AGTPBP1: variants seen among roughly 807,000 people sequenced by gnomAD.
AGTPBP1 encodes the protein cytosolic carboxypeptidase 1.
In AGTPBP1, 70 loss-of-function variants were observed where a neutral mutation model predicts 143.9. The ratio of observed to expected loss-of-function variants is 0.49; its 90% CI spans 0.40 to 0.59. The LOEUF (loss-of-function observed/expected upper bound fraction) is 0.59. AGTPBP1 is among the 20% of genes least tolerant of loss of function. The probability of loss-of-function intolerance (pLI) is 0.00; values close to 1 mark genes in which losing one functional copy is unlikely to be tolerated. For synonymous variants in AGTPBP1, 463 were observed against 500.2 expected (o/e 0.93, Z 0.99); for missense variants, 1,229 against 1,464.5 (o/e 0.84, Z 2.62).
chr9:85,695,097 C>T (rs554062109), intron 2 of AGTPBP1, among the ~76,000 whole-genome samples: 7 of 152,130 alleles, frequency 4.6e-5, no homozygotes, highest in Non-Finnish European at 8.8e-5. Context: ...CATTTCCACA[C>T]AGTAATTTTT....
chr9:85,720,084 T>G (rs920785268), intron 1 of AGTPBP1, among the ~76,000 whole-genome samples: 3 of 152,212 alleles, frequency 2.0e-5, no homozygotes, highest in African/African-American at 7.2e-5. Context: ...TGAGGATTTT[T>G]GCATCGATGT....
chr9:85,684,314 T>C (rs1379365703), intron 3 of AGTPBP1, among the ~76,000 whole-genome samples: 2 of 152,170 alleles, frequency 1.3e-5, no homozygotes, highest in African/African-American at 2.4e-5. Flanking sequence ...CTTGACAATC[T>C]TGCATTCCTT....
At chr9:85,756,033 A>C in the AGTPBP1 span, 1 of 1,376,308 alleles carries the variant, frequency 7.3e-7, no homozygotes, top group South Asian at 1.5e-5. Flanking sequence ...TTTTTATGGC[A>C]GAAGGAAAAA....
At chr9:85,688,718 T>G (rs577909856) in intron 3 of AGTPBP1, among the ~76,000 whole-genome samples, 1 of 152,306 alleles carries the variant, frequency 6.6e-6, no homozygotes, top group East Asian at 1.9e-4. Context: ...TGTACATAAG[T>G]AGTTAACGAG....
At chr9:85,734,681 A>G (rs905041725) in intron 1 of AGTPBP1, among the ~76,000 whole-genome samples, 1 of 152,234 alleles carries the variant, frequency 6.6e-6, no homozygotes, top group African/African-American at 2.4e-5. Context: ...TGCAGCCACT[A>G]TGAAAAACAG....
intron 1 of AGTPBP1, among the ~76,000 whole-genome samples, chr9:85,728,030 T>TACAC (rs57676033): frequency 0.014 from 1,841 of 128,380 alleles, 17 homozygotes; most frequent in Middle Eastern, 0.046. Context: ...TATATTTATA[T>TACAC]ACACACACAC....
At chr9:85,773,936 A>G in the AGTPBP1 span, 1 of 1,601,184 alleles carries the variant, frequency 6.2e-7, no homozygotes, top group East Asian at 2.2e-5. Context: ...GTGAATTAGA[A>G]TCTGCACTGG....
At chr9:85,649,157 A>G (rs757063346) in intron 11 of AGTPBP1, among the ~76,000 whole-genome samples, 1 of 152,214 alleles carries the variant, frequency 6.6e-6, no homozygotes, top group Non-Finnish European at 1.5e-5. Context: ...TCCTTGGCTT[A>G]TAGTAAAAAC....
chr9:85,588,259 A>G (rs751845554), intron 21 of AGTPBP1, 39 bp downstream of exon 21: 78 of 1,508,518 alleles, frequency 5.2e-5, no homozygotes, highest in Non-Finnish European at 2.6e-5. Context: ...GACAACCACA[A>G]TGGTCTTGAA....
intron 11 of AGTPBP1, among the ~76,000 whole-genome samples, chr9:85,653,258 G>A (rs569274050): frequency 1.3e-5 from 2 of 151,670 alleles, no homozygotes; most frequent in Admixed American, 6.6e-5. Flanking sequence ...AAGGAATAAT[G>A]GAAAACAGAA....
At chr9:85,788,884 G>A in the AGTPBP1 span, among the ~76,000 whole-genome samples, 4 of 151,366 alleles carry the variant, frequency 2.6e-5, no homozygotes, top group Non-Finnish European at 5.9e-5. Flanking sequence ...ATTTATTAAT[G>A]AAGATCCTAA....
In AGTPBP1 at chr9:85,621,305, A is replaced by G; in HGVS notation, c.2016-20T>C. The stretch of plus-strand genomic sequence containing the variant: ...TTTGTCCTGAAATCATAAAGGTTTA[A>G]CCAAAATATATTATTATACACTAAT... On this transcript the variant is annotated intron_variant, in intron 14 of 25. Transcript: ENST00000357081. 7.9e-7 allele frequency: 1 copy of G among 1,258,452 alleles called. No homozygotes were observed. The highest frequency in any genetic ancestry group is 1.1e-6 in the Non-Finnish European group (1 of 940,184). 78.0% of individuals were successfully genotyped at this position (1,258,452 alleles called of 1,614,324 possible). A position where few individuals can be genotyped will look rare whatever the true frequency, so the allele number is the denominator to read the frequency against.
intron 17 of AGTPBP1, among the ~76,000 whole-genome samples, chr9:85,614,144 TTAAAA>T (rs748453801): frequency 6.6e-6 from 1 of 152,082 alleles, no homozygotes; most frequent in East Asian, 1.9e-4. Flanking sequence ...CCCATTGAAG[TTAAAA>T]TAAAATACAA....
intron 1 of AGTPBP1, chr9:85,741,534 TG>T (rs1168518533): frequency 7.9e-5 from 78 of 985,256 alleles, no homozygotes; most frequent in Non-Finnish European, 9.2e-5. Flanking sequence ...GTCCGGGGAC[TG>T]GGGAAGGCGT....
At chr9:85,741,687 C>A in intron 1 of AGTPBP1, 88 bp downstream of exon 1, 1 of 1,260,458 alleles carries the variant, frequency 7.9e-7, no homozygotes, top group Non-Finnish European at 1.0e-6. Flanking sequence ...CCCTCCTACC[C>A]CCGGGCGCCG....
chr9:85,677,656 G>T (rs2134127937), intron 5 of AGTPBP1, 74 bp from the exon 6 acceptor site: 1 of 1,238,292 alleles, frequency 8.1e-7, no homozygotes, highest in Non-Finnish European at 1.1e-6. Flanking sequence ...AACATATTAG[G>T]TATCATAACT....
At chr9:85,800,820 T>TGC in the AGTPBP1 span, among the ~76,000 whole-genome samples, 1 of 151,474 alleles carries the variant, frequency 6.6e-6, no homozygotes, top group South Asian at 2.1e-4. Flanking sequence ...TGTGTGTGTG[T>TGC]GTGTGTGTGT....
At chr9:85,771,378 A>G in the AGTPBP1 span, among the ~76,000 whole-genome samples, 1 of 152,188 alleles carries the variant, frequency 6.6e-6, no homozygotes, top group African/African-American at 2.4e-5. Context: ...TGGGAGGCTG[A>G]GGCAGGAGGA....
At chr9:85,689,945 T>TA (rs1554726712) in intron 3 of AGTPBP1, among the ~76,000 whole-genome samples, 1 of 126,678 alleles carries the variant, frequency 7.9e-6, no homozygotes, top group African/African-American at 2.9e-5. Flanking sequence ...TATATATATA[T>TA]ATCTTAAAGT....
Sources: allele counts gnomAD v4.1 joint callset (sites outside exome capture counted in the v4.1 genomes callset), GRCh38; gene constraint gnomAD v4.1.1; transcripts MANE v1.5; gene names NCBI Gene and HGNC (gene_info 2026-07-23, HGNC 2026-07-21).